The following HYDIN variants were observed in gnomAD, a reference collection of about 807,000 sequenced individuals.
The protein encoded by HYDIN is axonemal central pair apparatus protein HYDIN.
Under a neutral mutation model 403.9 loss-of-function variants are expected in HYDIN, and 132 were observed. The ratio of observed to expected loss-of-function variants is 0.33; its 90% confidence interval spans 0.28 to 0.38. The LOEUF (loss-of-function observed/expected upper bound fraction) is 0.38, where lower values mean the gene tolerates loss of function less well. Ranked by LOEUF, HYDIN falls within the 10% of genes least tolerant of loss-of-function variation. HYDIN has a pLI of 1.00. For synonymous variants in HYDIN, 1,202 were observed against 1,891.7 expected (o/e 0.64, Z 9.46); for missense variants, 2,827 against 5,009.5 (o/e 0.56, Z 13.15).
intron 15 of HYDIN, among the ~76,000 whole-genome samples, chr16:71,066,054 C>T (rs986702690): frequency 1.3e-5 from 2 of 151,886 alleles, no homozygotes; most frequent in African/African-American, 4.8e-5. Flanking sequence ...ACTGAGAGGG[C>T]TTATACTACT....
chr16:71,006,967 C>T (rs1274893863), intron 23 of HYDIN, among the ~76,000 whole-genome samples: 1 of 151,206 alleles, frequency 6.6e-6, no homozygotes, highest in African/African-American at 2.4e-5. Context: ...CTTATCCTCA[C>T]CCCACCCCTT....
chr16:71,062,734 A>G (rs57501562), intron 16 of HYDIN: 6,245 of 153,514 alleles, frequency 0.041, 468 homozygotes, highest in African/African-American at 0.14. Context: ...TGTTTCCTGA[A>G]TCCATGATGC....
In HYDIN at chr16:70,807,565, T is replaced by G. The variant is rs1437336169; in HGVS notation, c.*15A>C. On this transcript the variant is annotated 3_prime_UTR_variant, in exon 86 of 86. Coordinates refer to ENST00000393567, the MANE Select transcript of HYDIN (RefSeq NM_001270974.2). ...ATGCATAGCTTTTGGTTGATACAGG[T>G]AACCCTGGTTACCACTAAAGGGTGA... 1.9e-6 allele frequency: 3 copies of G among 1,592,282 alleles called. No individual in the cohort carries two copies. Among genetic ancestry groups the G allele is most frequent in the African/African-American group, 2.7e-5 (2 of 74,560 alleles).
intron 41 of HYDIN, among the ~76,000 whole-genome samples, chr16:70,949,432 C>T (rs1386430738): frequency 6.6e-6 from 1 of 151,752 alleles, no homozygotes. Flanking sequence ...ACATTGTGCA[C>T]ATGTACCCTA....
Position 70,860,248 on chromosome 16 carries a change from G to A in HYDIN, c.11991-42C>T. 4 of 1,590,782 alleles carry A rather than the reference G, an allele frequency of 2.5e-6. No homozygotes were observed. The South Asian group carries it at 4.6e-5, about 18-fold the overall frequency. On this transcript the variant is annotated intron_variant, in intron 70 of 85. Coordinates refer to ENST00000393567, the MANE Select transcript of HYDIN (RefSeq NM_001270974.2). ...GAATTGACAGAAGAGAGTGGGACAG[G>A]GGATTGAGGATTAAGAGAAATTTCT...
chr16:70,963,248 C>T (rs567496215), intron 37 of HYDIN, among the ~76,000 whole-genome samples: 155 of 152,008 alleles, frequency 1.0e-3, no homozygotes, highest in African/African-American at 3.5e-3. Flanking sequence ...TTTCCCACCA[C>T]TTTAGCTCAG....
chr16:71,004,588 C>T (rs2079836143), intron 23 of HYDIN, among the ~76,000 whole-genome samples: 1 of 151,896 alleles, frequency 6.6e-6, no homozygotes, highest in Non-Finnish European at 1.5e-5. Context: ...TATATCTTAT[C>T]TTTTTATGCT....
intron 1 of HYDIN, among the ~76,000 whole-genome samples, chr16:71,212,848 T>G (rs561613234): frequency 2.0e-5 from 3 of 151,966 alleles, no homozygotes; most frequent in African/African-American, 7.2e-5. Flanking sequence ...GCTCAAAAAG[T>G]CTCAAACTAG....
At chr16:70,841,531 T>C (rs2037821495) in intron 75 of HYDIN, among the ~76,000 whole-genome samples, 1 of 151,882 alleles carries the variant, frequency 6.6e-6, no homozygotes, top group Admixed American at 6.6e-5. Flanking sequence ...TGAATGTTTG[T>C]CTCCTCCAAA....
chr16:71,165,365 C>T (rs1406679319), intron 5 of HYDIN, among the ~76,000 whole-genome samples: 4 of 151,894 alleles, frequency 2.6e-5, no homozygotes, highest in Admixed American at 1.3e-4. Flanking sequence ...CTTGGCACGG[C>T]GATCCACTGT....
At chr16:71,185,954 A>G (rs1044227412) in intron 2 of HYDIN, among the ~76,000 whole-genome samples, 3 of 152,194 alleles carry the variant, frequency 2.0e-5, no homozygotes, top group African/African-American at 7.2e-5. Context: ...TATATTTCTA[A>G]TACAGCTTTC....
intron 84 of HYDIN, among the ~76,000 whole-genome samples, chr16:70,811,885 A>G (rs1028104132): frequency 7.1e-5 from 9 of 126,832 alleles, no homozygotes; most frequent in African/African-American, 2.7e-4. Context: ...AGACCCAAGA[A>G]CATATAGAAA....
chr16:71,046,592 T>C (rs1429283711), intron 18 of HYDIN, among the ~76,000 whole-genome samples: 2 of 152,090 alleles, frequency 1.3e-5, no homozygotes, highest in African/African-American at 4.8e-5. Context: ...CTACAAAGAG[T>C]TTTATCATGT....
At chr16:71,113,757 T>C (rs1459802151) in intron 10 of HYDIN, 1 of 152,058 alleles carries the variant, frequency 6.6e-6, no homozygotes, top group Admixed American at 6.6e-5. Flanking sequence ...CCACACTTGA[T>C]TAAGTTTTTA....
At position 70,962,935 on chromosome 16, in the gene HYDIN, G is replaced by A. The variant is rs1470221426; in HGVS notation, c.5789-797C>T. Among the ~76,000 whole-genome samples, 3 of 150,962 alleles carry A rather than the reference G, an allele frequency of 2.0e-5. No individual in the cohort carries two copies. In the South Asian group the frequency reaches 6.4e-4, roughly 32 times the overall value. ...GAGAGGCACTGGTGAGAAGCAGGGC[G>A]TGTGCCTTTCTGGGTTCCCTCTGCA... On this transcript the variant is annotated intron_variant, in intron 37 of 85. Transcript: ENST00000393567.
In HYDIN at chr16:70,992,108, T is replaced by C. The variant is rs758502535; in HGVS notation, c.3747A>G (p.Thr1249=). The C allele has an allele frequency of 6.8e-6, 11 of 1,613,460 alleles. No homozygotes were observed. Among genetic ancestry groups the C allele is most frequent in the Non-Finnish European group, 9.3e-6 (11 of 1,179,788 alleles). The change falls in exon 24 of 86, where the codon ACA becomes ACG. Residue 1249 remains threonine (T), a synonymous_variant. Coordinates refer to ENST00000393567, the MANE Select transcript of HYDIN (RefSeq NM_001270974.2). ...EAASPPAILV[T]VESPEMDLND... The stretch of plus-strand genomic sequence containing the variant: ...TTAAATCCATCTCGGGGGACTCTAC[T>C]GTAACTAGGATTGCTGGTGGGCTGG...
At chr16:71,201,093 C>T (rs765751282) in intron 1 of HYDIN, among the ~76,000 whole-genome samples, 8 of 152,132 alleles carry the variant, frequency 5.3e-5, no homozygotes, top group Non-Finnish European at 1.0e-4. Flanking sequence ...CTTCCTAGAC[C>T]CTTGACCTCT....
intron 83 of HYDIN, among the ~76,000 whole-genome samples, chr16:70,819,061 C>T (rs1174903365): frequency 1.3e-5 from 2 of 150,434 alleles, no homozygotes; most frequent in Non-Finnish European, 2.9e-5. Flanking sequence ...ATTACAGGCG[C>T]CTGCCACCAT....
intron 10 of HYDIN, chr16:71,113,347 T>A (rs1436609878): frequency 6.6e-6 from 1 of 150,912 alleles, no homozygotes; most frequent in East Asian, 1.9e-4. Context: ...ATAATTTTAC[T>A]ATCTACATGT....
Sources: allele counts gnomAD v4.1 joint callset (sites outside exome capture counted in the v4.1 genomes callset), GRCh38; gene constraint gnomAD v4.1.1; transcripts MANE v1.5; gene names NCBI Gene and HGNC (gene_info 2026-07-23, HGNC 2026-07-21).